The following ADAM22 variants were observed in gnomAD, a reference collection of about 807,000 sequenced individuals.
ADAM22 encodes the protein ADAM metallopeptidase domain 22.
Under a neutral mutation model 144.6 loss-of-function variants are expected in ADAM22, and 65 were observed. That is an observed-to-expected ratio of 0.45 (90% CI 0.37 to 0.55). The LOEUF (loss-of-function observed/expected upper bound fraction) is 0.55. Ranked by LOEUF, ADAM22 falls within the 20% of genes least tolerant of loss-of-function variation. ADAM22 has a pLI of 0.00. For synonymous variants in ADAM22, 391 were observed against 412.6 expected (o/e 0.95, Z 0.63); for missense variants, 974 against 1,184.9 (o/e 0.82, Z 2.61).
At chr7:87,975,681 A>G (rs114161676) in intron 2 of ADAM22, among the ~76,000 whole-genome samples, 171 of 152,362 alleles carry the variant, frequency 1.1e-3, no homozygotes, top group African/African-American at 3.8e-3. Flanking sequence ...GACAGTAAAT[A>G]CCTTGCCAAG....
rs182536164 is a variant in ADAM22 at position 88,009,662 on chromosome 7, G to A, written c.323+31250G>A. The stretch of plus-strand genomic sequence containing the variant: ...GGAGTGCACTTTGAATTTTGATTAG[G>A]TGTCTGTGATAATGGAATTCTCTGC... On this transcript the variant is annotated intron_variant, in intron 3 of 31. Coordinates refer to ENST00000413139, the MANE Select transcript of ADAM22 (RefSeq NM_001324418.2). Among the ~76,000 whole-genome samples, 923 of 152,166 alleles carry A rather than the reference G, an allele frequency of 6.1e-3. 47 individuals carry two copies. The highest frequency in any genetic ancestry group is 0.058 in the Admixed American group (881 of 15,282).
rs1438854100 is a variant in ADAM22, at chr7:87,935,174, C to A, written c.234C>A (p.Leu78=). The A allele has an allele frequency of 6.2e-7, 1 of 1,606,356 alleles. No individual in the cohort carries two copies. The highest frequency in any genetic ancestry group is 2.2e-5 in the East Asian group (1 of 44,722). ...DALDTRVRGD[L]GGPQLTHVDQ... ...TCGACACGCGGGTGCGGGGCGACCT[C>A]GGTGGCCCGCAGGTGAGAGGCTCGG... The change falls in exon 2 of 32, where the codon CTC becomes CTA. Residue 78 remains leucine, a synonymous_variant. Transcript: ENST00000413139.
chr7:88,143,270 T>A, intron 15 of ADAM22, 145 bp downstream of exon 15: 1 of 482,368 alleles, frequency 2.1e-6, no homozygotes, highest in Non-Finnish European at 3.6e-6. Context: ...TATATCTGCA[T>A]ATTCAAAGTC....
At chr7:88,038,678 C>T (rs1299265142) in intron 3 of ADAM22, among the ~76,000 whole-genome samples, 2 of 151,958 alleles carry the variant, frequency 1.3e-5, no homozygotes, top group Non-Finnish European at 2.9e-5. Flanking sequence ...TGGTCTCGAT[C>T]TCCTGACCTC....
intron 3 of ADAM22, among the ~76,000 whole-genome samples, chr7:88,049,649 G>C (rs1241525757): frequency 6.6e-6 from 1 of 152,064 alleles, no homozygotes; most frequent in Non-Finnish European, 1.5e-5. Context: ...TGCCCGCCTT[G>C]GCCTCCCAAA....
chr7:88,056,415 C>T (rs2129475773), intron 3 of ADAM22, among the ~76,000 whole-genome samples: 1 of 152,304 alleles, frequency 6.6e-6, no homozygotes, highest in East Asian at 1.9e-4. Flanking sequence ...TCCTCAGTAG[C>T]TTAACATGAA....
chr7:87,938,259 C>T (rs2131204558), intron 2 of ADAM22, among the ~76,000 whole-genome samples: 1 of 130,622 alleles, frequency 7.7e-6, no homozygotes, highest in Admixed American at 8.3e-5. Flanking sequence ...TGCTCTGTCA[C>T]CCAGGCTGGA....
In ADAM22 at chr7:88,043,009, C is replaced by T. The variant is rs989736721; in HGVS notation, c.324-32617C>T. Among the ~76,000 whole-genome samples the T allele has an allele frequency of 8.6e-5, 13 of 151,764 alleles. No individual in the cohort carries two copies. In the East Asian group the frequency reaches 1.4e-3, roughly 16 times the overall value. ...AAGGTGGATGACACAAACTTCCTTGCGCAATGGTGACCTTTCAATTAGCTT... is the reference window on the plus strand; with the variant it reads ...AAGGTGGATGACACAAACTTCCTTGTGCAATGGTGACCTTTCAATTAGCTT... On this transcript the variant is annotated intron_variant, in intron 3 of 31. Transcript: ENST00000413139.
At chr7:88,135,225 C>T (rs181969439) in intron 13 of ADAM22, among the ~76,000 whole-genome samples, 1 of 131,748 alleles carries the variant, frequency 7.6e-6, no homozygotes, top group East Asian at 2.2e-4. Context: ...TTGCGGTGAG[C>T]CAAGATCACA....
intron 3 of ADAM22, among the ~76,000 whole-genome samples, chr7:87,990,829 A>G (rs1789653359): frequency 6.6e-6 from 1 of 151,752 alleles, no homozygotes; most frequent in South Asian, 2.1e-4. Context: ...TATCCAACTA[A>G]TTTTTTTGTA....
chr7:87,974,134 A>G (rs899428826), intron 2 of ADAM22, among the ~76,000 whole-genome samples: 6 of 150,954 alleles, frequency 4.0e-5, no homozygotes, highest in Admixed American at 6.6e-5. Flanking sequence ...TCTCTACTAA[A>G]AAGAAAAAAA....
chr7:88,199,205 C>T lies in ADAM22; in HGVS notation c.*2714C>T, dbSNP rs1337664065. Reference sequence around the variant, plus strand: ...GGAGAGAAACTTTGAGGCCGTATCACAGTTTATATCATGCAACTAATATTT... The same window carrying T: ...GGAGAGAAACTTTGAGGCCGTATCATAGTTTATATCATGCAACTAATATTT... On this transcript the variant is annotated 3_prime_UTR_variant, in exon 32 of 32. Transcript: ENST00000413139. 6.6e-6 allele frequency: 1 copy of T among 152,200 alleles called. No homozygotes were observed. Among genetic ancestry groups the T allele is most frequent in the East Asian group, 1.9e-4 (1 of 5,200 alleles). The allele number at this position is 152,200 out of a possible 1,614,324, so 9.4% of individuals were successfully genotyped here.
chr7:88,002,663 A>G (rs1274805448), intron 3 of ADAM22, among the ~76,000 whole-genome samples: 2 of 152,366 alleles, frequency 1.3e-5, no homozygotes, highest in South Asian at 2.1e-4. Context: ...AATAAGCCAG[A>G]GAGGAAAAAG....
At chr7:87,977,877 A>G (rs1423559437) in intron 2 of ADAM22, among the ~76,000 whole-genome samples, 1 of 152,216 alleles carries the variant, frequency 6.6e-6, no homozygotes. Context: ...CTATTTTTAA[A>G]GTATATCTTT....
At chr7:87,987,954 C>A (rs112315528) in intron 3 of ADAM22, among the ~76,000 whole-genome samples, 2 of 152,100 alleles carry the variant, frequency 1.3e-5, no homozygotes, top group Admixed American at 6.5e-5. Flanking sequence ...TAACTATAAC[C>A]ATTCTCAGAC....
intron 4 of ADAM22, among the ~76,000 whole-genome samples, chr7:88,107,020 C>T (rs1011740129): frequency 2.0e-5 from 3 of 151,974 alleles, no homozygotes; most frequent in Non-Finnish European, 2.9e-5. Context: ...CAGTTAAAGC[C>T]ATTGCTGGTT....
intron 4 of ADAM22, 22 bp from the exon 5 acceptor site, chr7:88,108,154 C>T: frequency 6.3e-7 from 1 of 1,593,708 alleles, no homozygotes; most frequent in African/African-American, 1.3e-5. Flanking sequence ...CAAAGACTTA[C>T]ATTCTTTATT....
chr7:87,935,984 C>CACCT (rs1841157875), intron 2 of ADAM22, among the ~76,000 whole-genome samples: 1 of 152,142 alleles, frequency 6.6e-6, no homozygotes, highest in African/African-American at 2.4e-5. Flanking sequence ...GCAGTTCACC[C>CACCT]ACCTGTAAGT....
chr7:88,145,828 C>T (rs1023722865), intron 17 of ADAM22, among the ~76,000 whole-genome samples: 1 of 152,126 alleles, frequency 6.6e-6, no homozygotes, highest in Non-Finnish European at 1.5e-5. Context: ...GTGGAGCATG[C>T]ACATTAAATG....
Sources: allele counts gnomAD v4.1 joint callset (sites outside exome capture counted in the v4.1 genomes callset), GRCh38; gene constraint gnomAD v4.1.1; transcripts MANE v1.5; gene names NCBI Gene and HGNC (gene_info 2026-07-23, HGNC 2026-07-21).